The following GRID2 variants were observed in gnomAD, a reference collection of about 807,000 sequenced individuals.
GRID2 encodes glutamate receptor ionotropic, delta-2.
Under a neutral mutation model 114.8 loss-of-function variants are expected in GRID2, and 33 were observed. The observed-to-expected ratio is 0.29, with a 90% CI of 0.22 to 0.38. The LOEUF is 0.38. Among genes scored for constraint, GRID2 ranks in the 10% least tolerant of loss-of-function variants. GRID2 has a pLI of 1.00. For synonymous variants in GRID2, 505 were observed against 449.9 expected, an observed-to-expected ratio of 1.12 and a Z score of -1.55; for missense variants, 1,184 against 1,257.7, an observed-to-expected ratio of 0.94 and a Z score of 0.89.
chr4:92,954,378 G>C (rs1221007139), intron 2 of GRID2, among the ~76,000 whole-genome samples: 1 of 152,000 alleles, frequency 6.6e-6, no homozygotes, highest in African/African-American at 2.4e-5. Context: ...TAGACTGGGG[G>C]ATCTTGGGAT....
At chr4:92,847,998 G>A (rs1193069990) in intron 2 of GRID2, among the ~76,000 whole-genome samples, 2 of 151,906 alleles carry the variant, frequency 1.3e-5, no homozygotes, top group Non-Finnish European at 2.9e-5. Context: ...AAAGGACAAG[G>A]TAATAAGTAA....
intron 1 of GRID2, among the ~76,000 whole-genome samples, chr4:92,452,147 A>G (rs1346382470): frequency 6.6e-6 from 1 of 152,186 alleles, no homozygotes. Flanking sequence ...CTACCATTAT[A>G]TACTTGGCTA....
chr4:92,670,094 C>A (rs1171627458), intron 2 of GRID2, among the ~76,000 whole-genome samples: 4 of 152,046 alleles, frequency 2.6e-5, no homozygotes, highest in African/African-American at 9.7e-5. Context: ...ACATAAAGGA[C>A]TTTACTAGGC....
rs1729773018 is a variant in GRID2, at chr4:93,725,382, C to A, written c.2361-43828C>A. ...CCACATTTTCTTAATCCAGTCCATC[C>A]TTGTTGGACATTTGGGTTGGTTCCA... On this transcript the variant is annotated intron_variant, in intron 14 of 15. Transcript: ENST00000282020. Among the ~76,000 whole-genome samples, 7 of 152,198 alleles carry A rather than the reference C, an allele frequency of 4.6e-5. No individual in the cohort carries two copies. The South Asian group carries it at 1.2e-3, about 27-fold the overall frequency.
chr4:92,817,516 T>A (rs1284250055), intron 2 of GRID2, among the ~76,000 whole-genome samples: 2 of 152,140 alleles, frequency 1.3e-5, no homozygotes, highest in African/African-American at 4.8e-5. Flanking sequence ...CCATATCTCC[T>A]CATAAATATC....
intron 2 of GRID2, among the ~76,000 whole-genome samples, chr4:92,641,424 G>C (rs1046679336): frequency 1.9e-4 from 29 of 149,036 alleles, no homozygotes; most frequent in African/African-American, 6.9e-4. Context: ...GAACATACAT[G>C]CCACCGAGCC....
chr4:93,481,008 G>C (rs1430611210), intron 11 of GRID2, among the ~76,000 whole-genome samples: 3 of 151,910 alleles, frequency 2.0e-5, no homozygotes, highest in Non-Finnish European at 4.4e-5. Flanking sequence ...ACCACCCCCT[G>C]CCCAAGTATC....
At chr4:92,721,340 GA>G (rs1291976186) in intron 2 of GRID2, among the ~76,000 whole-genome samples, 6 of 152,046 alleles carry the variant, frequency 3.9e-5, no homozygotes, top group Admixed American at 2.6e-4. Flanking sequence ...AAAAGTTGGT[GA>G]AAACATCAAT....
At chr4:93,221,654 C>G (rs1744889468) in intron 6 of GRID2, among the ~76,000 whole-genome samples, 1 of 151,948 alleles carries the variant, frequency 6.6e-6, no homozygotes. Flanking sequence ...AATAAAATTA[C>G]CAAAAGATCA....
intron 1 of GRID2, among the ~76,000 whole-genome samples, chr4:92,504,558 G>A (rs1037244273): frequency 7.9e-5 from 12 of 151,932 alleles, no homozygotes; most frequent in African/African-American, 2.7e-4. Flanking sequence ...GAAGTTAATA[G>A]GAAATCTTTT....
chr4:92,951,094 A>G (rs1406837334), intron 2 of GRID2, among the ~76,000 whole-genome samples: 1 of 152,094 alleles, frequency 6.6e-6, no homozygotes, highest in Admixed American at 6.6e-5. Context: ...GAAATTAAGG[A>G]CTAGAACCAC....
At chr4:93,677,943 C>G (rs1426758703) in intron 14 of GRID2, among the ~76,000 whole-genome samples, 1 of 101,170 alleles carries the variant, frequency 9.9e-6, no homozygotes, top group Non-Finnish European at 1.9e-5. Flanking sequence ...ATGACTTTGA[C>G]GAGTTGAGAG....
intron 2 of GRID2, among the ~76,000 whole-genome samples, chr4:93,084,719 C>T (rs77068042): frequency 2.0e-5 from 3 of 152,082 alleles, no homozygotes; most frequent in East Asian, 1.9e-4. Flanking sequence ...AATAATCCTG[C>T]GAGATTCATG....
intron 14 of GRID2, among the ~76,000 whole-genome samples, chr4:93,703,392 G>A (rs942190221): frequency 3.3e-5 from 5 of 151,978 alleles, no homozygotes; most frequent in African/African-American, 9.7e-5. Flanking sequence ...TTATTTCTTT[G>A]TATTATAACC....
intron 2 of GRID2, among the ~76,000 whole-genome samples, chr4:92,689,577 C>CA (rs1734078273): frequency 1.3e-5 from 2 of 152,336 alleles, no homozygotes; most frequent in South Asian, 4.1e-4. Context: ...GTGAACTGCA[C>CA]ATGCAAAGGA....
rs546041662 is a variant in GRID2 at position 93,048,074 on chromosome 4, T to C, written c.245-36921T>C. 3.9e-5 allele frequency among the ~76,000 whole-genome samples: 6 copies of C among 152,174 alleles called. No individual in the cohort carries two copies. The South Asian group carries it at 1.2e-3, about 32-fold the overall frequency. On this transcript the variant is annotated intron_variant, in intron 2 of 15. Transcript: ENST00000282020. ...GGCTAACAGGTCAAACAGTGTGGGTTTTCCAGTAAAGGGTCTTTGCTGAAT... is the reference window on the plus strand; with the variant it reads ...GGCTAACAGGTCAAACAGTGTGGGTCTTCCAGTAAAGGGTCTTTGCTGAAT...
chr4:93,516,679 G>A (rs1346894342), intron 13 of GRID2, among the ~76,000 whole-genome samples: 1 of 152,000 alleles, frequency 6.6e-6, no homozygotes, highest in Non-Finnish European at 1.5e-5. Flanking sequence ...GATCCAAGTG[G>A]GTGAATGAAC....
intron 13 of GRID2, among the ~76,000 whole-genome samples, chr4:93,544,669 C>T (rs967747011): frequency 4.0e-5 from 6 of 150,914 alleles, no homozygotes; most frequent in South Asian, 2.1e-4. Flanking sequence ...CCCAGTCACT[C>T]GGGAGGCTGA....
chr4:93,217,723 G>A (rs1744400018), intron 6 of GRID2, among the ~76,000 whole-genome samples: 2 of 151,824 alleles, frequency 1.3e-5, no homozygotes, highest in African/African-American at 4.8e-5. Context: ...TGTCAGTATA[G>A]GACTCTTCCT....
Sources: gnomAD v4.1 joint callset for allele counts (sites outside exome capture counted in the v4.1 genomes callset) on GRCh38, gnomAD v4.1.1 for gene constraint, MANE v1.5 for transcripts, NCBI Gene and HGNC (gene_info 2026-07-23, HGNC 2026-07-21) for gene names.